Variants in DNAH17 observed in about 807,000 individuals in gnomAD.
The protein encoded by DNAH17 is dynein axonemal heavy chain 17, also known as axonemal beta dynein heavy chain 17.
DNAH17 carries 376 observed loss-of-function variants against 485.6 expected under a neutral mutation model. That is an observed-to-expected ratio of 0.77 (90% CI 0.71 to 0.84). The LOEUF is 0.84. DNAH17 is among the 40% of genes least tolerant of loss of function. DNAH17 has a pLI of 0.00. For missense variants in DNAH17, 6,370 were observed against 5,839.3 expected, an observed-to-expected ratio of 1.09 and a Z score of -2.96; for synonymous variants, 3,031 against 2,405.9, an observed-to-expected ratio of 1.26 and a Z score of -7.60.
chr17:78,478,327 C>A (rs1467790893), intron 51 of DNAH17, among the ~76,000 whole-genome samples: 1 of 140,864 alleles, frequency 7.1e-6, no homozygotes. Context: ...ACCACCACCA[C>A]CATTATCACC....
rs773867931 is a variant in DNAH17 at position 78,439,175 on chromosome 17, T to C, written c.11720A>G (p.Asn3907Ser). 9 of 1,613,558 alleles carry C rather than the reference T, an allele frequency of 5.6e-6. No homozygotes were observed. Among genetic ancestry groups the C allele is most frequent in the Admixed American group, 1.7e-5 (1 of 59,980 alleles). Residue 3907 changes from asparagine to serine, a missense_variant, in exon 73 of 81, where the codon AAT becomes AGT. Coordinates refer to ENST00000389840, the MANE Select transcript of DNAH17 (RefSeq NM_173628.4). ...GFTIDNGKLHNVSLGQGQEVV... is the reference protein window; with the variant it reads ...GFTIDNGKLHSVSLGQGQEVV... ...CTCTTGTCCCTGCCCCAGGGACACA[T>C]TATGGAGTTTTCCATTGTCTATGGT...
In DNAH17 at chr17:78,537,502, G is replaced by T. The variant is rs1242019009; in HGVS notation, c.2677-21C>A. ...CTCTCCTGAAAGAGGGGTGGGGTTG[G>T]CAGTGGTCAACACCTCTGTCCTCCA... is the stretch of plus-strand genomic sequence containing the variant. On this transcript the variant is annotated intron_variant, in intron 18 of 80. Transcript: ENST00000389840. The T allele has an allele frequency of 2.5e-6, 4 of 1,611,370 alleles. No homozygotes were observed. The African/African-American group carries it at 5.3e-5, about 22-fold the overall frequency.
At chr17:78,523,122 C>T (rs1443867114) in intron 25 of DNAH17, among the ~76,000 whole-genome samples, 1 of 152,154 alleles carries the variant, frequency 6.6e-6, no homozygotes, top group Non-Finnish European at 1.5e-5. Flanking sequence ...TCCCAAAGTG[C>T]TGGGATTATA....
In DNAH17 at chr17:78,445,679, A is replaced by G. The variant is rs759259044; in HGVS notation, c.11213T>C (p.Val3738Ala). ...GTTCAGCTCCTTCTTCATGGACAGG[A>G]CCTGGGGGAACATCGAGGTGTACAC... The part of the protein sequence containing the change: ...LIFLAQVTFQ[V>A]LSMKKELNPV... Residue 3738 changes from valine (V) to alanine (A), a missense_variant and splice_region_variant, in exon 70 of 81, where the codon GTC (valine) becomes GCC (alanine). Val to Ala is a moderately conservative substitution (Grantham distance 64). Coordinates refer to ENST00000389840, the MANE Select transcript of DNAH17 (RefSeq NM_173628.4). 6.9e-6 allele frequency: 11 copies of G among 1,589,546 alleles called. No homozygotes were observed. The highest frequency in any genetic ancestry group is 9.4e-6 in the Non-Finnish European group (11 of 1,168,286).
chr17:78,547,538 C>A (rs1396911262), intron 16 of DNAH17, among the ~76,000 whole-genome samples: 2 of 152,066 alleles, frequency 1.3e-5, no homozygotes, highest in African/African-American at 4.8e-5. Context: ...CCACTTTGAC[C>A]ACCACACTCA....
chr17:78,504,576 C>A (rs879865754), intron 31 of DNAH17, among the ~76,000 whole-genome samples: 4 of 146,586 alleles, frequency 2.7e-5, no homozygotes, highest in African/African-American at 1.0e-4. Context: ...TTTTCTTCTT[C>A]CTACAACTGA....
chr17:78,514,568 G>A (rs1771435357), intron 26 of DNAH17, among the ~76,000 whole-genome samples: 1 of 151,800 alleles, frequency 6.6e-6, no homozygotes, highest in Non-Finnish European at 1.5e-5. Flanking sequence ...AGTTGAGATG[G>A]TAAACGGAGC....
At chr17:78,487,052 A>G (rs1003327426) in intron 44 of DNAH17, among the ~76,000 whole-genome samples, 5 of 147,084 alleles carry the variant, frequency 3.4e-5, no homozygotes, top group African/African-American at 1.3e-4. Context: ...TCAGTGTAAG[A>G]GTACAAATCA....
chr17:78,528,907 A>C, intron 22 of DNAH17, among the ~76,000 whole-genome samples: 1 of 147,388 alleles, frequency 6.8e-6, no homozygotes, highest in African/African-American at 2.5e-5. Context: ...CAGCACTCCC[A>C]CCAGACACTC....
chr17:78,574,725 C>A lies in DNAH17; in HGVS notation c.333G>T (p.Ala111=), dbSNP rs186452295. The A allele has an allele frequency of 6.2e-6, 10 of 1,604,324 alleles. No homozygotes were observed. In the African/African-American group the frequency reaches 1.1e-4, roughly 17 times the overall value. The part of the protein sequence containing the change: ...ISPTPVDQLI[A]VVEEVLSSLL... ...TGGACGCACTCACCTCCTCCACCAC[C>A]GCGATCAGCTGGTCCACGGGTGTGG... The change falls in exon 2 of 81, where the codon GCG becomes GCT. Residue 111 remains alanine, a synonymous_variant. Coordinates refer to ENST00000389840, the MANE Select transcript of DNAH17 (RefSeq NM_173628.4).
At chr17:78,564,818 T>A (rs555213879) in intron 11 of DNAH17, among the ~76,000 whole-genome samples, 52 of 152,140 alleles carry the variant, frequency 3.4e-4, no homozygotes, top group African/African-American at 1.2e-3. Context: ...GACATTAGTA[T>A]ACAAATGAAT....
rs927648100 is a variant in DNAH17, at chr17:78,577,353, A to T, written c.-84T>A. 1.3e-5 allele frequency: 2 copies of T among 152,290 alleles called. No individual in the cohort carries two copies. Among genetic ancestry groups the T allele is most frequent in the African/African-American group, 4.8e-5 (2 of 41,456 alleles). The allele number at this position is 152,290 out of a possible 1,614,324, so 9.4% of individuals were successfully genotyped here. A position where few individuals can be genotyped will look rare whatever the true frequency, so the allele number is the denominator to read the frequency against. ...ATGAGCAACTCTTTCCCAAACCAGG[A>T]AAGAAAATGGCTCCCTTCCCTCGAG... On this transcript the variant is annotated 5_prime_UTR_variant, in exon 1 of 81. Coordinates refer to ENST00000389840, the MANE Select transcript of DNAH17 (RefSeq NM_173628.4).
At chr17:78,543,082 AAAGAT>A (rs2091644637) in intron 17 of DNAH17, among the ~76,000 whole-genome samples, 1 of 151,432 alleles carries the variant, frequency 6.6e-6, no homozygotes, top group African/African-American at 2.4e-5. Context: ...TCTACTACTT[AAAGAT>A]AAGGCTCGCT....
chr17:78,571,273 G>A lies in DNAH17; in HGVS notation c.832+6C>T, dbSNP rs377390769. 5.1e-5 allele frequency: 82 copies of A among 1,609,974 alleles called. No homozygotes were observed. In the South Asian group the frequency reaches 5.4e-4, roughly 11 times the overall value. ...TGCAGAACTCATGACAGGGTCACAG[G>A]CTCACCTTCAGTGACGTTGGTGTAA... On this transcript the variant is annotated splice_donor_region_variant and intron_variant, in intron 5 of 80. Transcript: ENST00000389840.
Position 78,494,294 on chromosome 17 carries a change from G to A in DNAH17, c.6271-121C>T, listed in dbSNP as rs1313543963. ...GATAAAGGCGCCCTTGCCCTCCGAT[G>A]CACGTGCGTCTGCAAGTTCTGCTGT... is the stretch of plus-strand genomic sequence containing the variant. On this transcript the variant is annotated intron_variant, in intron 40 of 80. Coordinates refer to ENST00000389840, the MANE Select transcript of DNAH17 (RefSeq NM_173628.4). The A allele has an allele frequency of 1.2e-5, 17 of 1,392,202 alleles. No homozygotes were observed. The East Asian group carries it at 4.1e-4, about 33-fold the overall frequency. The allele number at this position is 1,392,202 out of a possible 1,614,324, so 86.2% of individuals were successfully genotyped here.
intron 2 of DNAH17, 72 bp from the exon 3 acceptor site, chr17:78,572,966 C>T: frequency 7.1e-7 from 1 of 1,414,282 alleles, no homozygotes; most frequent in Non-Finnish European, 9.6e-7. Flanking sequence ...GAGCCAGGTC[C>T]CCGGGGGGTT....
Position 78,495,524 on chromosome 17 carries a change from G to T in DNAH17, c.5903+351C>A, listed in dbSNP as rs182238666. 6.2e-4 allele frequency among the ~76,000 whole-genome samples: 92 copies of T among 147,906 alleles called. No homozygotes were observed. In the East Asian group the frequency reaches 0.016, roughly 26 times the overall value. ...GCCATCCCGGCTCACTGCAACCTCC[G>T]CCTCCCAGGTTCAAGCGATTCTCCT... On this transcript the variant is annotated intron_variant, in intron 38 of 80. Transcript: ENST00000389840.
In DNAH17 at chr17:78,449,541, G is replaced by T; in HGVS notation, c.11084C>A (p.Pro3695His). 6.2e-7 allele frequency: 1 copy of T among 1,604,214 alleles called. No individual in the cohort carries two copies. Reference sequence around the variant, plus strand: ...CACCCGCTGCTTCACCTCGTTGGCAGGGGTGGTCCTCTGGATGGCTTTCTC... The same window carrying T: ...CACCCGCTGCTTCACCTCGTTGGCATGGGTGGTCCTCTGGATGGCTTTCTC... Reference protein sequence around the residue: ...VFEKAIQRTTPANEVKQRVIN... With the variant: ...VFEKAIQRTTHANEVKQRVIN... The change falls in exon 69 of 81, where the codon CCT (proline) becomes CAT (histidine). Residue 3695 changes from proline (P) to histidine (H), a missense_variant. Physicochemically the swap from Pro to His is moderately conservative, Grantham distance 77. Coordinates refer to ENST00000389840, the MANE Select transcript of DNAH17 (RefSeq NM_173628.4).
Position 78,475,734 on chromosome 17 carries a change from G to A in DNAH17, c.8254C>T (p.Pro2752Ser), listed in dbSNP as rs781567394. The A allele has an allele frequency of 7.4e-6, 12 of 1,613,694 alleles. No individual in the cohort carries two copies. The highest frequency in any genetic ancestry group is 2.7e-5 in the African/African-American group (2 of 74,874). ...ACGTCCACGAGGAGCTTGTTCAGAG[G>A]AGCCATGTCGGTTACAGGAACATAT... is the stretch of plus-strand genomic sequence containing the variant. Reference protein sequence around the residue: ...PKYVPVTDMAPLNKLLVDVLD... With the variant: ...PKYVPVTDMASLNKLLVDVLD... Residue 2752 changes from proline to serine, a missense_variant, in exon 53 of 81, where the codon CCT (proline) becomes TCT (serine). Transcript: ENST00000389840.
Sources: allele counts gnomAD v4.1 joint callset (sites outside exome capture counted in the v4.1 genomes callset), GRCh38; gene constraint gnomAD v4.1.1; transcripts MANE v1.5; gene names NCBI Gene and HGNC (gene_info 2026-07-23, HGNC 2026-07-21).